Variants in PLCB1 observed in about 807,000 individuals in gnomAD.
PLCB1 encodes the protein 1-phosphatidylinositol 4,5-bisphosphate phosphodiesterase beta-1.
Under a neutral mutation model 161.8 loss-of-function variants are expected in PLCB1, and 46 were observed. The ratio of observed to expected loss-of-function variants is 0.28; its 90% CI spans 0.22 to 0.36. The LOEUF (loss-of-function observed/expected upper bound fraction) is 0.36, where lower values mean the gene tolerates loss of function less well. Ranked by LOEUF, PLCB1 falls within the 10% of genes least tolerant of loss-of-function variation. The pLI is 1.00. For missense variants in PLCB1, 1,016 were observed against 1,472.5 expected (o/e 0.69, Z 5.07); for synonymous variants, 517 against 503.7 (o/e 1.03, Z -0.35).
Position 8,881,910 on chromosome 20 carries a change from A to AT in PLCB1, c.*63dup. On this transcript the variant is annotated 3_prime_UTR_variant, in exon 32 of 32. Coordinates refer to ENST00000338037, the MANE Select transcript of PLCB1 (RefSeq NM_015192.4). ...CTCCAGCGTCATCGGACTCTCTCTT[A>AT]TTACAAAGATCACTGCCCAGGACCA... 9.1e-7 allele frequency: 1 copy of AT among 1,104,798 alleles called. No homozygotes were observed. The highest frequency in any genetic ancestry group is 1.4e-6 in the Non-Finnish European group (1 of 726,676). 68.4% of individuals were successfully genotyped at this position (1,104,798 alleles called of 1,614,324 possible).
intron 2 of PLCB1, among the ~76,000 whole-genome samples, chr20:8,269,055 G>A (rs1262670926): frequency 6.6e-6 from 1 of 151,740 alleles, no homozygotes; most frequent in Admixed American, 6.6e-5. Flanking sequence ...TGCACTTATT[G>A]ATCCTGAGAA....
intron 6 of PLCB1, among the ~76,000 whole-genome samples, chr20:8,648,643 C>T (rs73076196): frequency 0.044 from 6,696 of 152,166 alleles, 189 homozygotes; most frequent in South Asian, 0.11. Context: ...AAAGCTTCTG[C>T]GAATACACAA....
intron 3 of PLCB1, among the ~76,000 whole-genome samples, chr20:8,402,021 C>T (rs998217897): frequency 3.3e-5 from 5 of 152,170 alleles, no homozygotes; most frequent in Non-Finnish European, 4.4e-5. Context: ...TGGTTATACA[C>T]TGAAAGCTTC....
intron 3 of PLCB1, among the ~76,000 whole-genome samples, chr20:8,534,579 A>AGAGATCTCTGCCCTACCTT (rs1461457347): frequency 1.3e-5 from 2 of 150,844 alleles, no homozygotes; most frequent in African/African-American, 2.5e-5. Context: ...GTGGAACTGG[A>AGAGATCTCTGCCCTACCTT]GTGAAACAAC....
At chr20:8,774,744 G>A (rs947742128) in intron 27 of PLCB1, 25 bp downstream of exon 27, 19 of 1,564,596 alleles carry the variant, frequency 1.2e-5, no homozygotes, top group Non-Finnish European at 1.7e-5. Flanking sequence ...CATGATTTAT[G>A]TTTGTGCAAC....
intron 3 of PLCB1, among the ~76,000 whole-genome samples, chr20:8,463,169 G>A (rs1353170357): frequency 6.6e-6 from 1 of 151,360 alleles, no homozygotes; most frequent in Non-Finnish European, 1.5e-5. Context: ...GTGTGTGTGT[G>A]TGTGTGTGTG....
chr20:8,142,024 G>A (rs549227991), intron 1 of PLCB1: 10 of 152,386 alleles, frequency 6.6e-5, no homozygotes, highest in African/African-American at 2.4e-4. Flanking sequence ...TATTACTTGT[G>A]CAGGGAGGTA....
chr20:8,167,064 A>C (rs561837481), intron 2 of PLCB1, among the ~76,000 whole-genome samples: 1 of 152,280 alleles, frequency 6.6e-6, no homozygotes, highest in Non-Finnish European at 1.5e-5. Flanking sequence ...GCATTCGCCA[A>C]TTTCCATGGT....
At chr20:8,867,078 T>C (rs13043735) in intron 31 of PLCB1, among the ~76,000 whole-genome samples, 19,607 of 152,252 alleles carry the variant, frequency 0.13, 1,581 homozygotes, top group South Asian at 0.23. Context: ...TCCAGGGACA[T>C]AACTGAGTTC....
intron 23 of PLCB1, among the ~76,000 whole-genome samples, chr20:8,746,093 G>A (rs1026921757): frequency 2.0e-5 from 3 of 151,986 alleles, no homozygotes; most frequent in Non-Finnish European, 4.4e-5. Flanking sequence ...CACCATACCT[G>A]GCTAATTTTT....
chr20:8,164,731 T>A (rs1002370468), intron 2 of PLCB1, among the ~76,000 whole-genome samples: 1 of 152,220 alleles, frequency 6.6e-6, no homozygotes, highest in African/African-American at 2.4e-5. Context: ...AAAGAAGATA[T>A]TGGAGTAGCT....
At chr20:8,805,192 TATCAGCTAGACCTTA>T (rs1441259263) in intron 31 of PLCB1, among the ~76,000 whole-genome samples, 1 of 152,166 alleles carries the variant, frequency 6.6e-6, no homozygotes, top group Non-Finnish European at 1.5e-5. Context: ...TATTCCTTGT[TATCAGCTAGACCTTA>T]ATAGGTGAAG....
rs1206489907 is a variant in PLCB1, at chr20:8,523,490, C to CCATATATATATA, written c.247-104804_247-104803insCATATATATATA. ...GCTCTCTCTCTCTCTCTCTCTCTCT[C>CCATATATATATA]TCTCTCTATATATATATATATATAT... On this transcript the variant is annotated intron_variant, in intron 3 of 31. Transcript: ENST00000338037. Among the ~76,000 whole-genome samples, 376 of 67,576 alleles carry CCATATATATATA rather than the reference C, an allele frequency of 5.6e-3. 46 individuals carry two copies. Among genetic ancestry groups the CCATATATATATA allele is most frequent in the African/African-American group, 0.019 (293 of 15,402 alleles). 44.3% of individuals were successfully genotyped at this position (67,576 alleles called of 152,430 possible).
chr20:8,371,426 T>G lies in PLCB1; in HGVS notation c.222T>G (p.Cys74Trp). ...TCAGCCTTGTCAAAGATGCCAGATG[T>G]GGGAGACACGCCAAAGCTCCCAAGG... ...LDLSLVKDAR[C>W]GRHAKAPKDP... is the part of the protein sequence containing the mutation. Residue 74 changes from cysteine (C) to tryptophan (W), a missense_variant, in exon 3 of 32, where the codon TGT (cysteine) becomes TGG (tryptophan). Physicochemically the swap from Cys to Trp is radical, Grantham distance 215 (BLOSUM62 -2). Transcript: ENST00000338037. 6.2e-7 allele frequency: 1 copy of G among 1,613,742 alleles called. No individual in the cohort carries two copies. The highest frequency in any genetic ancestry group is 8.5e-7 in the Non-Finnish European group (1 of 1,179,744).
chr20:8,458,075 C>G lies in PLCB1; in HGVS notation c.246+86625C>G, dbSNP rs742917. On this transcript the variant is annotated intron_variant, in intron 3 of 31. Transcript: ENST00000338037. ...CCAGGTACGCTGTGGCATGAGGAAG[C>G]TGGAGTTGAGCTAACTAGATGTGAA... Among the ~76,000 whole-genome samples, 95 of 152,222 alleles carry G rather than the reference C, an allele frequency of 6.2e-4. 2 individuals carry two copies. The East Asian group carries it at 0.01, about 17-fold the overall frequency.
chr20:8,836,054 G>A (rs1986270265), intron 31 of PLCB1, among the ~76,000 whole-genome samples: 1 of 138,504 alleles, frequency 7.2e-6, no homozygotes, highest in Non-Finnish European at 1.7e-5. Flanking sequence ...CAGCTGACTG[G>A]CTGGCAGTTG....
In PLCB1 at chr20:8,881,848, G is replaced by C. The variant is rs1988006239; in HGVS notation, c.3650G>C (p.Ter1217SerextTer38). The C allele has an allele frequency of 5.6e-6, 9 of 1,602,510 alleles. No homozygotes were observed. Among genetic ancestry groups the C allele is most frequent in the Non-Finnish European group, 4.3e-6 (5 of 1,169,572 alleles). Residue 1217 changes from the stop codon to serine, a stop_lost, in exon 32 of 32, where the codon TGA (stop) becomes TCA (serine). Coordinates refer to ENST00000338037, the MANE Select transcript of PLCB1 (RefSeq NM_015192.4). ...GGAAAAGAATTTGATACTCCTCTGT[G>C]AATGCTCCTGCCAGGCCTTCAGAAA... ...IPGKEFDTPL[*>S]
intron 3 of PLCB1, among the ~76,000 whole-genome samples, chr20:8,503,550 TCCTTC>T: frequency 6.6e-6 from 1 of 152,302 alleles, no homozygotes; most frequent in Non-Finnish European, 1.5e-5. Context: ...TCATCCTTTT[TCCTTC>T]CCTTCCTATT....
chr20:8,788,998 A>C lies in PLCB1; in HGVS notation c.3278+276A>C, dbSNP rs149294459. Among the ~76,000 whole-genome samples the C allele has an allele frequency of 2.3e-3, 357 of 152,268 alleles. 1 individual carries two copies. The highest frequency in any genetic ancestry group is 8.3e-3 in the African/African-American group (343 of 41,562). ...GCTAAATCCTCACTTCCTACCCATA[A>C]TCTTCCTGGCATTTAGTGAAAACAG... is the stretch of plus-strand genomic sequence containing the variant. On this transcript the variant is annotated intron_variant, in intron 29 of 31. Coordinates refer to ENST00000338037, the MANE Select transcript of PLCB1 (RefSeq NM_015192.4).
Sources: gnomAD v4.1 joint callset for allele counts (sites outside exome capture counted in the v4.1 genomes callset) on GRCh38, gnomAD v4.1.1 for gene constraint, MANE v1.5 for transcripts, NCBI Gene and HGNC (gene_info 2026-07-23, HGNC 2026-07-21) for gene names.